Variants in ZBTB44 observed in about 807,000 individuals in gnomAD.
ZBTB44 encodes zinc finger and BTB domain-containing protein 44.
Under a neutral mutation model 54.0 loss-of-function variants are expected in ZBTB44, and 15 were observed. That is an observed-to-expected ratio of 0.28 (90% confidence interval 0.19 to 0.43). The LOEUF (loss-of-function observed/expected upper bound fraction) is 0.43, where lower values mean the gene tolerates loss of function less well. ZBTB44 is among the 20% of genes least tolerant of loss of function. The pLI is 1.00. For synonymous variants in ZBTB44, 230 were observed against 250.1 expected (o/e 0.92, Z 0.76); for missense variants, 487 against 707.1 (o/e 0.69, Z 3.53).
intron 2 of ZBTB44, among the ~76,000 whole-genome samples, chr11:130,240,566 T>C (rs1281826082): frequency 6.6e-6 from 1 of 152,184 alleles, no homozygotes. Flanking sequence ...ATACAACTTG[T>C]TGCACAACTT....
At chr11:130,292,954 C>T (rs1381675519) in intron 1 of ZBTB44, among the ~76,000 whole-genome samples, 2 of 152,160 alleles carry the variant, frequency 1.3e-5, no homozygotes, top group African/African-American at 4.8e-5. Context: ...ACTTGTCACT[C>T]TTATCAATCT....
chr11:130,282,138 C>G (rs983831240), intron 1 of ZBTB44, among the ~76,000 whole-genome samples: 1 of 152,154 alleles, frequency 6.6e-6, no homozygotes, highest in South Asian at 2.1e-4. Flanking sequence ...ATTTTTGTGG[C>G]AGAATATACA....
intron 1 of ZBTB44, among the ~76,000 whole-genome samples, chr11:130,307,704 G>C (rs1485330774): frequency 6.6e-6 from 1 of 152,074 alleles, no homozygotes; most frequent in Non-Finnish European, 1.5e-5. Context: ...TGTCGCTCAG[G>C]CTGGAGGGCA....
chr11:130,252,701 T>C (rs1938118545), intron 2 of ZBTB44, among the ~76,000 whole-genome samples: 1 of 152,106 alleles, frequency 6.6e-6, no homozygotes, highest in Non-Finnish European at 1.5e-5. Flanking sequence ...GAGGGAATCC[T>C]CCCTAACTCA....
chr11:130,251,487 A>G (rs1937999578), intron 2 of ZBTB44, among the ~76,000 whole-genome samples: 1 of 152,248 alleles, frequency 6.6e-6, no homozygotes, highest in Non-Finnish European at 1.5e-5. Context: ...CCCAAGAGAC[A>G]TAATCATCAG....
chr11:130,231,364 G>T lies in ZBTB44; in HGVS notation c.*400C>A, dbSNP rs969797414. The T allele has an allele frequency of 1.3e-5, 2 of 152,072 alleles. No individual in the cohort carries two copies. Among genetic ancestry groups the T allele is most frequent in the African/African-American group, 4.8e-5 (2 of 41,404 alleles). The allele number at this position is 152,072 out of a possible 1,614,324, so 9.4% of individuals were successfully genotyped here. Reference sequence around the variant, plus strand: ...TATGTTAAATACTGGTTAGTTACTGGTATTGATAAGATCTGGGCAGCAGAC... The same window carrying T: ...TATGTTAAATACTGGTTAGTTACTGTTATTGATAAGATCTGGGCAGCAGAC... On this transcript the variant is annotated 3_prime_UTR_variant, in exon 8 of 8. Transcript: ENST00000357899.
rs59112840 is a variant in ZBTB44, at chr11:130,276,242, A to AAAAAAAAAAAAAAAAAAAAAAAAG, written c.-56-14314_-56-14313insCTTTTTTTTTTTTTTTTTTTTTTT. On this transcript the variant is annotated intron_variant, in intron 1 of 7. Transcript: ENST00000357899. Reference sequence around the variant, plus strand: ...CGTGAAACTCTGTCTCAAAAAAAAAAAAAAGAAAAAAGAAATCAGAGGTTT... The same window carrying AAAAAAAAAAAAAAAAAAAAAAAAG: ...CGTGAAACTCTGTCTCAAAAAAAAAAAAAAAAAAAAAAAAAAAAAAAAAGAAAAGAAAAAAGAAATCAGAGGTTT... Among the ~76,000 whole-genome samples, 243 of 94,350 alleles carry AAAAAAAAAAAAAAAAAAAAAAAAG rather than the reference A, an allele frequency of 2.6e-3. 7 individuals are homozygous for AAAAAAAAAAAAAAAAAAAAAAAAG. The highest frequency in any genetic ancestry group is 8.4e-3 in the African/African-American group (231 of 27,356). 61.9% of individuals were successfully genotyped at this position (94,350 alleles called of 152,430 possible).
intron 1 of ZBTB44, among the ~76,000 whole-genome samples, chr11:130,293,020 G>T (rs963039847): frequency 6.6e-6 from 1 of 152,110 alleles, no homozygotes; most frequent in African/African-American, 2.4e-5. Flanking sequence ...ATTTACATGA[G>T]AACTCATATT....
At chr11:130,257,801 TTTC>T (rs989756727) in intron 2 of ZBTB44, among the ~76,000 whole-genome samples, 6 of 152,172 alleles carry the variant, frequency 3.9e-5, no homozygotes, top group African/African-American at 1.4e-4. Context: ...ACTAGTGGCT[TTTC>T]TTCTATCCCT....
chr11:130,238,338 A>T, intron 4 of ZBTB44, 106 bp downstream of exon 4: 1 of 1,333,652 alleles, frequency 7.5e-7, no homozygotes. Context: ...GACTTCCCAG[A>T]GTTTTTTTTA....
At chr11:130,266,141 A>G (rs1210624886) in intron 1 of ZBTB44, among the ~76,000 whole-genome samples, 1 of 152,234 alleles carries the variant, frequency 6.6e-6, no homozygotes, top group Non-Finnish European at 1.5e-5. Flanking sequence ...CTGGAAGCCA[A>G]TATTCATTTA....
At chr11:130,300,419 A>C (rs1941928283) in intron 1 of ZBTB44, among the ~76,000 whole-genome samples, 2 of 152,250 alleles carry the variant, frequency 1.3e-5, no homozygotes, top group South Asian at 4.1e-4. Context: ...AAATAGACAA[A>C]ACAAAGCACA....
chr11:130,243,224 TA>T (rs1012562348), intron 2 of ZBTB44, among the ~76,000 whole-genome samples: 16 of 152,356 alleles, frequency 1.1e-4, no homozygotes, highest in Admixed American at 3.9e-4. Flanking sequence ...CTGCTGCATT[TA>T]AAAAACACAT....
At chr11:130,306,330 C>T (rs938729604) in intron 1 of ZBTB44, among the ~76,000 whole-genome samples, 7 of 151,982 alleles carry the variant, frequency 4.6e-5, no homozygotes, top group Non-Finnish European at 8.8e-5. Flanking sequence ...TGGAGAAAAC[C>T]CACCTCTCCT....
chr11:130,307,852 A>C (rs927451304), intron 1 of ZBTB44, among the ~76,000 whole-genome samples: 4 of 152,110 alleles, frequency 2.6e-5, no homozygotes, highest in East Asian at 1.9e-4. Flanking sequence ...CAGCCTCCCA[A>C]GTAGCTGTGA....
rs1376739016 is a variant in ZBTB44 at position 130,314,614 on chromosome 11, G to A, written c.-296C>T. The A allele has an allele frequency of 2.0e-5, 3 of 152,056 alleles. No individual in the cohort carries two copies. Among genetic ancestry groups the A allele is most frequent in the East Asian group, 2.0e-4 (1 of 5,122 alleles). The allele number at this position is 152,056 out of a possible 1,614,324, so 9.4% of individuals were successfully genotyped here. ...CCGGCGTGCCCGCGAGTGGGAGTGC[G>A]AGGAGGCGGGGAGGGAAGCACCCCC... On this transcript the variant is annotated 5_prime_UTR_variant, in exon 1 of 8. Coordinates refer to ENST00000357899, the MANE Select transcript of ZBTB44 (RefSeq NM_001301098.2).
At chr11:130,260,713 G>C (rs1211025624) in intron 2 of ZBTB44, 143 bp downstream of exon 2, 4 of 914,292 alleles carry the variant, frequency 4.4e-6, no homozygotes, top group Non-Finnish European at 6.3e-6. Context: ...AGTGCTAATA[G>C]CATCTCAAGC....
At chr11:130,244,400 G>A (rs1046464411) in intron 2 of ZBTB44, among the ~76,000 whole-genome samples, 1 of 152,098 alleles carries the variant, frequency 6.6e-6, no homozygotes, top group Non-Finnish European at 1.5e-5. Flanking sequence ...GGGTGCAGTG[G>A]CTCATGCCTG....
chr11:130,303,249 C>CT, intron 1 of ZBTB44, among the ~76,000 whole-genome samples: 1 of 152,298 alleles, frequency 6.6e-6, no homozygotes, highest in East Asian at 1.9e-4. Flanking sequence ...GACTCACAGT[C>CT]TTAGTTACAC....
Sources: allele counts gnomAD v4.1 joint callset (sites outside exome capture counted in the v4.1 genomes callset), GRCh38; gene constraint gnomAD v4.1.1; transcripts MANE v1.5; gene names NCBI Gene and HGNC (gene_info 2026-07-23, HGNC 2026-07-21).